Variants in REEP1 observed in about 807,000 individuals in gnomAD.
REEP1 encodes receptor expression-enhancing protein 1.
REEP1 carries 22 observed loss-of-function variants against 40.3 expected under a neutral mutation model. That is an observed-to-expected ratio of 0.55 (90% CI 0.39 to 0.78). REEP1 has a LOEUF of 0.78. REEP1 is among the 30% of genes least tolerant of loss of function. The pLI, the probability that REEP1 is intolerant of heterozygous loss-of-function variation, is 0.00. For synonymous variants in REEP1, 116 were observed against 139.2 expected, an observed-to-expected ratio of 0.83 and a Z score of 1.17; for missense variants, 280 against 361.1, an observed-to-expected ratio of 0.78 and a Z score of 1.82.
chr2:86,316,548 CA>C (rs58561932), intron 1 of REEP1, among the ~76,000 whole-genome samples: 127 of 70,432 alleles, frequency 1.8e-3, no homozygotes, highest in South Asian at 0.011. Context: ...AACTCTGTCT[CA>C]AAAAAAAAAA....
At chr2:86,316,833 T>C (rs536294302) in intron 1 of REEP1, among the ~76,000 whole-genome samples, 2 of 152,206 alleles carry the variant, frequency 1.3e-5, no homozygotes, top group African/African-American at 4.8e-5. Flanking sequence ...CACTCCAGCC[T>C]GGGGGACAAG....
chr2:86,261,846 A>C (rs1676871230), intron 3 of REEP1, among the ~76,000 whole-genome samples: 1 of 152,254 alleles, frequency 6.6e-6, no homozygotes, highest in East Asian at 1.9e-4. Context: ...ACCCGATTGT[A>C]CGTTCCATCT....
At chr2:86,235,300 A>T (rs146384501) in intron 5 of REEP1, among the ~76,000 whole-genome samples, 8 of 152,366 alleles carry the variant, frequency 5.3e-5, no homozygotes, top group African/African-American at 1.7e-4. Context: ...CAGCCCTGTC[A>T]TTCAACAGCT....
chr2:86,286,040 T>C (rs1221422647), intron 1 of REEP1, among the ~76,000 whole-genome samples: 2 of 150,986 alleles, frequency 1.3e-5, no homozygotes, highest in African/African-American at 4.9e-5. Context: ...TTCCCCCCAC[T>C]GTCATTAACT....
intron 7 of REEP1, 90 bp from the exon 8 acceptor site, chr2:86,220,211 A>G: frequency 1.1e-6 from 1 of 898,328 alleles, no homozygotes; most frequent in Non-Finnish European, 1.5e-6. Context: ...GGTTAGGCAC[A>G]CAGCACAGCA....
chr2:86,322,100 C>T lies in REEP1; in HGVS notation c.32+15379G>A, dbSNP rs532997654. Reference sequence around the variant, plus strand: ...ATTAAGATACTAAATACACTGGCATCAACAAATATCAAATACCTGGGAATA... The same window carrying T: ...ATTAAGATACTAAATACACTGGCATTAACAAATATCAAATACCTGGGAATA... On this transcript the variant is annotated intron_variant, in intron 1 of 8. Coordinates refer to ENST00000538924, the MANE Select transcript of REEP1 (RefSeq NM_001371279.1). 2.6e-5 allele frequency among the ~76,000 whole-genome samples: 4 copies of T among 152,252 alleles called. No individual in the cohort carries two copies. The South Asian group carries it at 8.3e-4, about 32-fold the overall frequency.
chr2:86,231,188 A>T (rs1674991077), intron 6 of REEP1, among the ~76,000 whole-genome samples: 1 of 151,636 alleles, frequency 6.6e-6, no homozygotes, highest in African/African-American at 2.4e-5. Context: ...TGACTGAAAG[A>T]TCCCTGAGGT....
chr2:86,295,732 G>A (rs1186265078), intron 1 of REEP1, among the ~76,000 whole-genome samples: 1 of 152,100 alleles, frequency 6.6e-6, no homozygotes, highest in East Asian at 1.9e-4. Context: ...GTAGAGACGG[G>A]GTTTCACCGT....
chr2:86,244,784 G>A (rs564775178), intron 5 of REEP1, among the ~76,000 whole-genome samples: 1 of 152,354 alleles, frequency 6.6e-6, no homozygotes, highest in East Asian at 1.9e-4. Context: ...GGGCAGTGCT[G>A]TCCAAAAGAA....
At position 86,216,764 on chromosome 2, in the gene REEP1, T is replaced by C; in HGVS notation, c.*275A>G. On this transcript the variant is annotated 3_prime_UTR_variant, in exon 9 of 9. Coordinates refer to ENST00000538924, the MANE Select transcript of REEP1 (RefSeq NM_001371279.1). The stretch of plus-strand genomic sequence containing the variant: ...CTAAAAAACACACTGCTGTCTATAA[T>C]GACAATCCAATTGTGGAAAATTACC... 2.3e-6 allele frequency: 1 copy of C among 430,456 alleles called. No homozygotes were observed. Among genetic ancestry groups the C allele is most frequent in the Non-Finnish European group, 4.3e-6 (1 of 233,932 alleles). The allele number at this position is 430,456 out of a possible 1,614,324, so 26.7% of individuals were successfully genotyped here.
intron 2 of REEP1, among the ~76,000 whole-genome samples, chr2:86,281,810 G>A (rs1678109587): frequency 6.6e-6 from 1 of 152,190 alleles, no homozygotes; most frequent in Non-Finnish European, 1.5e-5. Flanking sequence ...TGCCTGCGAT[G>A]CTGGACTTTT....
chr2:86,232,531 A>G (rs1675077562), intron 6 of REEP1, 94 bp downstream of exon 6: 40 of 1,461,400 alleles, frequency 2.7e-5, no homozygotes, highest in Non-Finnish European at 3.8e-5. Flanking sequence ...CCGTGGGGCC[A>G]GGGCCAGGCT....
At chr2:86,219,370 G>A (rs535154349) in intron 8 of REEP1, among the ~76,000 whole-genome samples, 1 of 151,856 alleles carries the variant, frequency 6.6e-6, no homozygotes, top group Non-Finnish European at 1.5e-5. Context: ...ACTTAGAGTG[G>A]TAGTTGTTAA....
intron 5 of REEP1, among the ~76,000 whole-genome samples, chr2:86,244,398 A>C (rs1344352861): frequency 6.6e-6 from 1 of 151,696 alleles, no homozygotes; most frequent in Non-Finnish European, 1.5e-5. Context: ...TTAAGTAGAA[A>C]AACAAAATAA....
intron 1 of REEP1, among the ~76,000 whole-genome samples, chr2:86,330,414 GGTGTGTGTGTGT>G (rs55660803): frequency 0.024 from 3,017 of 127,862 alleles, 63 homozygotes; most frequent in Non-Finnish European, 0.035. Context: ...AGTGAATCCT[GGTGTGTGTGTGT>G]GTGTGTGTGT....
In REEP1 at chr2:86,294,515, C is replaced by T. The variant is rs147955903; in HGVS notation, c.33-12273G>A. 2.6e-4 allele frequency among the ~76,000 whole-genome samples: 39 copies of T among 152,108 alleles called. No homozygotes were observed. In the East Asian group the frequency reaches 2.7e-3, roughly 11 times the overall value. On this transcript the variant is annotated intron_variant, in intron 1 of 8. Coordinates refer to ENST00000538924, the MANE Select transcript of REEP1 (RefSeq NM_001371279.1). ...TCTTTCAATTTATATCTGTTTGATG[C>T]GACAATGCTATTTTGTAAAATTTAC...
chr2:86,226,796 C>T (rs4832257), intron 7 of REEP1, among the ~76,000 whole-genome samples: 109,241 of 151,952 alleles, frequency 0.72, 43,818 homozygotes, highest in Non-Finnish European at 0.88. Context: ...AAGATATCTC[C>T]ACACATTCTT....
At chr2:86,277,485 G>A (rs1574071656) in intron 2 of REEP1, among the ~76,000 whole-genome samples, 2 of 151,876 alleles carry the variant, frequency 1.3e-5, no homozygotes, top group East Asian at 3.9e-4. Context: ...GAACCCAGGA[G>A]GCAGAGGTTG....
chr2:86,235,059 A>G (rs1174174921), intron 5 of REEP1, among the ~76,000 whole-genome samples: 1 of 152,224 alleles, frequency 6.6e-6, no homozygotes, highest in East Asian at 1.9e-4. Flanking sequence ...TCACTCTTTC[A>G]TTCATCCTCT....
Sources: allele counts gnomAD v4.1 joint callset (sites outside exome capture counted in the v4.1 genomes callset), GRCh38; gene constraint gnomAD v4.1.1; transcripts MANE v1.5; gene names NCBI Gene and HGNC (gene_info 2026-07-23, HGNC 2026-07-21).